The following ANPEP variants were observed in gnomAD, a reference collection of about 807,000 sequenced individuals.
The protein encoded by ANPEP is aminopeptidase N.
A neutral mutation model predicts 114.6 loss-of-function variants in ANPEP; 70 were observed. The ratio of observed to expected loss-of-function variants is 0.61; its 90% CI spans 0.50 to 0.75. The LOEUF is 0.75. Ranked by LOEUF, ANPEP falls within the 30% of genes least tolerant of loss-of-function variation. The pLI is 0.00. For missense variants in ANPEP, 1,184 were observed against 1,259.5 expected, an observed-to-expected ratio of 0.94 and a Z score of 0.91; for synonymous variants, 548 against 522.3, an observed-to-expected ratio of 1.05 and a Z score of -0.67.
rs551794080 is a variant in ANPEP at position 89,797,429 on chromosome 15, A to G, written c.2157+146T>C. ...TCTCAGGAGAGAACCTGACAAGGCA[A>G]TCTTTCTTTTTTTTTGGTTTTTTGT... On this transcript the variant is annotated intron_variant, in intron 15 of 20. Coordinates refer to ENST00000300060, the MANE Select transcript of ANPEP (RefSeq NM_001150.3). The G allele has an allele frequency of 6.5e-5, 79 of 1,217,334 alleles. No individual in the cohort carries two copies. The African/African-American group carries it at 1.1e-3, about 17-fold the overall frequency. The allele number at this position is 1,217,334 out of a possible 1,614,324, so 75.4% of individuals were successfully genotyped here.
chr15:89,805,315 A>C lies in ANPEP; in HGVS notation c.757+6T>G. The C allele has an allele frequency of 6.2e-7, 1 of 1,613,422 alleles. No individual in the cohort carries two copies. Among genetic ancestry groups the C allele is most frequent in the Non-Finnish European group, 8.5e-7 (1 of 1,179,540 alleles). On this transcript the variant is annotated splice_donor_region_variant and intron_variant, in intron 3 of 20. Coordinates refer to ENST00000300060, the MANE Select transcript of ANPEP (RefSeq NM_001150.3). Reference sequence around the variant, plus strand: ...GGCCCTGTGGCCGCAGGCAGGGCCCACTCACCTTTGGGAAGCATGTTGGAC... The same window carrying C: ...GGCCCTGTGGCCGCAGGCAGGGCCCCCTCACCTTTGGGAAGCATGTTGGAC...
At chr15:89,790,605 C>T in intron 19 of ANPEP, 64 bp from the exon 20 acceptor site, 1 of 1,403,078 alleles carries the variant, frequency 7.1e-7, no homozygotes, top group South Asian at 1.2e-5. Flanking sequence ...CATCCTCACA[C>T]CTACTGGGTA....
intron 15 of ANPEP, among the ~76,000 whole-genome samples, chr15:89,794,476 T>G (rs1184397384): frequency 6.6e-6 from 1 of 151,942 alleles, no homozygotes; most frequent in Non-Finnish European, 1.5e-5. Flanking sequence ...AGAGTGGGAT[T>G]CTGTCTCAAA....
Position 89,799,495 on chromosome 15 carries a change from G to A in ANPEP, c.1884C>T (p.Gly628=). ...CTTCGTCGTAGTTCACCCGGTAATA[G>A]CCCGTCACATTGAGGTTCAGCAGGA... ...EWVLLNLNVT[G]YYRVNYDEEN... is the part of the protein sequence containing the mutation. Residue 628 remains glycine, a synonymous_variant, in exon 13 of 21, where the codon GGC becomes GGT. Transcript: ENST00000300060. The surrounding 1 kb of genome is among the most constrained non-coding windows in gnomAD (Gnocchi z 4.2). 1.2e-6 allele frequency: 2 copies of A among 1,614,168 alleles called. No homozygotes were observed. Among genetic ancestry groups the A allele is most frequent in the Non-Finnish European group, 8.5e-7 (1 of 1,180,038 alleles).
rs141514548 is a variant in ANPEP at position 89,806,116 on chromosome 15, C to T, written c.468G>A (p.Val156=). ...GCACCACCAGGTACTCGGTGGGCTC[C>T]ACCAGCTCAGTCTTGTCAATGTCGG... The part of the protein sequence containing the change: ...QPPDIDKTEL[V]EPTEYLVVHL... Residue 156 remains valine (V), a synonymous_variant, in exon 2 of 21, where the codon GTG becomes GTA. Transcript: ENST00000300060. The surrounding 1 kb of genome is among the most constrained non-coding windows in gnomAD (Gnocchi z 5.7). 3 of 1,614,032 alleles carry T rather than the reference C, an allele frequency of 1.9e-6. No homozygotes were observed. In the African/African-American group the frequency reaches 4.0e-5, roughly 22 times the overall value.
At position 89,803,140 on chromosome 15, in the gene ANPEP, G is replaced by A. The variant is rs143348115; in HGVS notation, c.1569+99C>T. 14 of 1,360,176 alleles carry A rather than the reference G, an allele frequency of 1.0e-5. No individual in the cohort carries two copies. The highest frequency in any genetic ancestry group is 2.4e-5 in the South Asian group (2 of 84,800). 84.3% of individuals were successfully genotyped at this position (1,360,176 alleles called of 1,614,324 possible). A position where few individuals can be genotyped will look rare whatever the true frequency, so the allele number is the denominator to read the frequency against. ...CCACCCTGCAGGGCTGGTCAGCCGC[G>A]GAGCTGGACCCATTCTCTTACGCAT... On this transcript the variant is annotated intron_variant, in intron 10 of 20. Transcript: ENST00000300060. The surrounding 1 kb of genome is among the most constrained non-coding windows in gnomAD (Gnocchi z 4.2).
intron 1 of ANPEP, among the ~76,000 whole-genome samples, chr15:89,808,740 T>G (rs1303067892): frequency 6.6e-6 from 1 of 152,144 alleles, no homozygotes; most frequent in African/African-American, 2.4e-5. Context: ...CTCTGCTCCC[T>G]GAGGGCCTCA....
rs757923412 is a variant in ANPEP, at chr15:89,792,179, C to T, written c.2509G>A (p.Glu837Lys). 6.2e-7 allele frequency: 1 copy of T among 1,614,162 alleles called. No homozygotes were observed. The highest frequency in any genetic ancestry group is 1.1e-5 in the South Asian group (1 of 91,078). The change falls in exon 18 of 21, where the codon GAG (glutamate) becomes AAG (lysine). Residue 837 changes from glutamate (E) to lysine (K), a missense_variant. Transcript: ENST00000300060. ...ACTCACCTGTTCAGGATCCACAACT[C>T]TTTGCTGCAGGCCAGGGCTGCCCGG... ...KLRAALACSK[E>K]LWILNRYLSY...
chr15:89,803,523 G>A lies in ANPEP; in HGVS notation c.1438-16C>T, dbSNP rs1330743870. 2 of 1,606,258 alleles carry A rather than the reference G, an allele frequency of 1.2e-6. No homozygotes were observed. Among genetic ancestry groups the A allele is most frequent in the Non-Finnish European group, 8.5e-7 (1 of 1,178,646 alleles). On this transcript the variant is annotated splice_polypyrimidine_tract_variant and intron_variant, in intron 8 of 20. Coordinates refer to ENST00000300060, the MANE Select transcript of ANPEP (RefSeq NM_001150.3). This position sits in a 1 kb window ranked among gnomAD's most constrained non-coding sequence, Gnocchi z 4.2. Reference sequence around the variant, plus strand: ...CTGAGGCGCCCTGGGGTGGGGGTGAGGGGGCGCTCAGAAGGCTGTGCAGAG... The same window carrying A: ...CTGAGGCGCCCTGGGGTGGGGGTGAAGGGGCGCTCAGAAGGCTGTGCAGAG...
At position 89,799,587 on chromosome 15, in the gene ANPEP, G is replaced by C; in HGVS notation, c.1820-28C>G. The C allele has an allele frequency of 1.2e-6, 2 of 1,614,038 alleles. No homozygotes were observed. Among genetic ancestry groups the C allele is most frequent in the Non-Finnish European group, 1.7e-6 (2 of 1,179,990 alleles). On this transcript the variant is annotated intron_variant, in intron 12 of 20. Transcript: ENST00000300060. The surrounding 1 kb of genome is among the most constrained non-coding windows in gnomAD (Gnocchi z 4.2). ...GTGGAGAGGGACGAGACCTGGGCAG[G>C]GCTGCTCAGAGGCCATGGGCTGACC...
Position 89,790,880 on chromosome 15 carries a change from T to G in ANPEP, c.2669+73A>C, listed in dbSNP as rs1968607788. 2.5e-6 allele frequency: 4 copies of G among 1,569,772 alleles called. No homozygotes were observed. In the African/African-American group the frequency reaches 5.4e-5, roughly 21 times the overall value. ...TCTGGTTAGTGCCCCCGGCGTGTCT[T>G]ACCCGCACAGGCCACCCCCCGGGGC... On this transcript the variant is annotated intron_variant, in intron 19 of 20. Transcript: ENST00000300060.
chr15:89,790,387 G>A (rs2141788725), intron 20 of ANPEP, 73 bp downstream of exon 20: 1 of 1,432,538 alleles, frequency 7.0e-7, no homozygotes, highest in South Asian at 1.2e-5. Flanking sequence ...GGGCCACGTG[G>A]GAGAAGAATG....
Position 89,792,489 on chromosome 15 carries a change from G to T in ANPEP, c.2323C>A (p.Leu775Ile), listed in dbSNP as rs755320452. Residue 775 changes from leucine to isoleucine, a missense_variant, in exon 17 of 21, where the codon CTT becomes ATT. Transcript: ENST00000300060. ...GGGTTCTCCATCCACTGCTTGAAAAGGCCAGAGACCATCTCCTCACACTCT... is the reference window on the plus strand; with the variant it reads ...GGGTTCTCCATCCACTGCTTGAAAATGCCAGAGACCATCTCCTCACACTCT... ...VPECEEMVSG[L>I]FKQWMENPNN... 3 of 1,614,034 alleles carry T rather than the reference G, an allele frequency of 1.9e-6. No homozygotes were observed. The highest frequency in any genetic ancestry group is 2.5e-6 in the Non-Finnish European group (3 of 1,180,020).
At chr15:89,796,130 C>T (rs1331259799) in intron 15 of ANPEP, among the ~76,000 whole-genome samples, 1 of 152,188 alleles carries the variant, frequency 6.6e-6, no homozygotes, top group African/African-American at 2.4e-5. Context: ...GCAGGAGGAT[C>T]CCTTGAGCCT....
At position 89,803,530 on chromosome 15, in the gene ANPEP, C is replaced by A. The variant is rs1260189619; in HGVS notation, c.1438-23G>T. ...GCCCTGGGGTGGGGGTGAGGGGGCG[C>A]TCAGAAGGCTGTGCAGAGCCACCAG... is the stretch of plus-strand genomic sequence containing the variant. On this transcript the variant is annotated intron_variant, in intron 8 of 20. Transcript: ENST00000300060. The surrounding 1 kb of genome is among the most constrained non-coding windows in gnomAD (Gnocchi z 4.2). 3 of 1,605,860 alleles carry A rather than the reference C, an allele frequency of 1.9e-6. No individual in the cohort carries two copies. The African/African-American group carries it at 4.0e-5, about 21-fold the overall frequency.
Position 89,806,836 on chromosome 15 carries a change from G to T in ANPEP, c.-223-30C>A, listed in dbSNP as rs144207550. 7.8e-6 allele frequency: 4 copies of T among 514,856 alleles called. No individual in the cohort carries two copies. The highest frequency in any genetic ancestry group is 1.3e-5 in the Non-Finnish European group (4 of 296,930). The allele number at this position is 514,856 out of a possible 1,614,324, so 31.9% of individuals were successfully genotyped here. On this transcript the variant is annotated intron_variant, in intron 1 of 20. Transcript: ENST00000300060. The surrounding 1 kb of genome is among the most constrained non-coding windows in gnomAD (Gnocchi z 5.7). ...TGGAAGCAAACAGTGTCTGGTTACA[G>T]GCTGCAGGCGGCCTGGGATCAGGCC... is the stretch of plus-strand genomic sequence containing the variant.
At chr15:89,810,074 C>T (rs996318268) in intron 1 of ANPEP, among the ~76,000 whole-genome samples, 2 of 152,150 alleles carry the variant, frequency 1.3e-5, no homozygotes, top group Non-Finnish European at 2.9e-5. Flanking sequence ...ACCTCTATCA[C>T]AGCACTTAGG....
intron 1 of ANPEP, among the ~76,000 whole-genome samples, chr15:89,810,750 C>T (rs1009096952): frequency 2.0e-5 from 3 of 152,242 alleles, no homozygotes; most frequent in African/African-American, 7.2e-5. Context: ...CAGTCCTTGC[C>T]GTGACCTACA....
intron 10 of ANPEP, among the ~76,000 whole-genome samples, chr15:89,801,889 G>GCCCATGGCTCTT (rs1444600382): frequency 6.6e-6 from 1 of 152,204 alleles, no homozygotes; most frequent in Non-Finnish European, 1.5e-5. Flanking sequence ...TGCCCAGGAT[G>GCCCATGGCTCTT]CCCATGGCTC....
Sources: gnomAD v4.1 joint callset for allele counts (sites outside exome capture counted in the v4.1 genomes callset) on GRCh38, gnomAD v4.1.1 for gene constraint, Gnocchi (gnomAD v3.1) non-coding constraint, MANE v1.5 for transcripts, NCBI Gene and HGNC (gene_info 2026-07-23, HGNC 2026-07-21) for gene names.